UTP20: variants seen among roughly 807,000 people sequenced by gnomAD.
UTP20 encodes UTP20 small subunit processome component.
UTP20 carries 164 observed loss-of-function variants against 329.5 expected under a neutral mutation model. The observed-to-expected ratio is 0.50, with a 90% CI of 0.44 to 0.57. The LOEUF (loss-of-function observed/expected upper bound fraction) is 0.57, where lower values mean the gene tolerates loss of function less well. Ranked by LOEUF, UTP20 falls within the 20% of genes least tolerant of loss-of-function variation. The pLI, the probability that UTP20 is intolerant of heterozygous loss-of-function variation, is 0.00. For synonymous variants in UTP20, 1,151 were observed against 1,159.3 expected, an observed-to-expected ratio of 0.99 and a Z score of 0.14; for missense variants, 3,055 against 3,284.2, an observed-to-expected ratio of 0.93 and a Z score of 1.71.
intron 39 of UTP20, among the ~76,000 whole-genome samples, chr12:101,352,667 T>G (rs1593444921): frequency 2.4e-5 from 3 of 124,632 alleles, no homozygotes; most frequent in African/African-American, 8.9e-5. Context: ...TGTTGTGGGG[T>G]GGGGGGAGTG....
intron 32 of UTP20, among the ~76,000 whole-genome samples, chr12:101,341,721 A>G (rs1018367459): frequency 6.6e-6 from 1 of 152,208 alleles, no homozygotes; most frequent in Non-Finnish European, 1.5e-5. Flanking sequence ...GGTGGCCAAC[A>G]TAGTGAAACC....
chr12:101,354,017 T>G (rs951033458), intron 40 of UTP20, among the ~76,000 whole-genome samples: 52 of 151,994 alleles, frequency 3.4e-4, no homozygotes, highest in African/African-American at 1.2e-3. Flanking sequence ...CCCAGCACTT[T>G]TGGGAGGCCT....
chr12:101,290,725 T>G lies in UTP20; in HGVS notation c.736-8T>G. The G allele has an allele frequency of 6.2e-7, 1 of 1,600,682 alleles. No individual in the cohort carries two copies. The highest frequency in any genetic ancestry group is 1.1e-5 in the South Asian group (1 of 87,812). On this transcript the variant is annotated splice_polypyrimidine_tract_variant and splice_region_variant and intron_variant, in intron 7 of 61. Coordinates refer to ENST00000261637, the MANE Select transcript of UTP20 (RefSeq NM_014503.3). Reference sequence around the variant, plus strand: ...ATATATTAATGTTAATGACTTGTATTCCCACAGGCAGTGAAGCTAATTTTG... The same window carrying G: ...ATATATTAATGTTAATGACTTGTATGCCCACAGGCAGTGAAGCTAATTTTG...
chr12:101,375,705 T>A lies in UTP20; in HGVS notation c.7345T>A (p.Cys2449Ser). The A allele has an allele frequency of 6.2e-7, 1 of 1,603,324 alleles. No individual in the cohort carries two copies. Among genetic ancestry groups the A allele is most frequent in the Non-Finnish European group, 8.5e-7 (1 of 1,171,704 alleles). Residue 2449 changes from cysteine (C) to serine (S), a missense_variant, in exon 56 of 62, where the codon TGT becomes AGT. Around this residue, in one of 3 missense-constraint regions of UTP20, gnomAD observed 273 missense variants for 363.1 expected, o/e 0.75. Coordinates refer to ENST00000261637, the MANE Select transcript of UTP20 (RefSeq NM_014503.3). ...ACTGATAACTAAACTTATCAAGGAATGTAATATTATTCAGTTTACCAAACC... is the reference window on the plus strand; with the variant it reads ...ACTGATAACTAAACTTATCAAGGAAAGTAATATTATTCAGTTTACCAAACC... Reference protein sequence around the residue: ...LTLITKLIKECNIIQFTKPAE... With the variant: ...LTLITKLIKESNIIQFTKPAE...
At position 101,385,690 on chromosome 12, in the gene UTP20, G is replaced by A. The variant is rs374626049; in HGVS notation, c.8164G>A (p.Glu2722Lys). Residue 2722 changes from glutamate to lysine, a missense_variant, in exon 61 of 62, where the codon GAG (glutamate) becomes AAG (lysine). Transcript: ENST00000261637. ...TGCCTCTGTACAGAAACAGGCTAAT[G>A]AGAAAAGGGCACTCCGGAAAAAGAG... ...AFASVQKQAN[E>K]KRALRKKRKA... 3 of 1,611,472 alleles carry A rather than the reference G, an allele frequency of 1.9e-6. No homozygotes were observed. The highest frequency in any genetic ancestry group is 2.7e-5 in the African/African-American group (2 of 74,846).
chr12:101,358,890 C>T (rs1316924066), intron 43 of UTP20, among the ~76,000 whole-genome samples: 1 of 152,060 alleles, frequency 6.6e-6, no homozygotes, highest in Non-Finnish European at 1.5e-5. Context: ...TTTGTTGTCC[C>T]CCTCTTACTA....
rs1565810699 is a variant in UTP20 at position 101,383,117 on chromosome 12, T to A, written c.7733T>A (p.Ile2578Lys). 6.2e-7 allele frequency: 1 copy of A among 1,613,954 alleles called. No homozygotes were observed. Among genetic ancestry groups the A allele is most frequent in the East Asian group, 2.2e-5 (1 of 44,868 alleles). ...TATTGTGAGGATAAGCAAAGTAAGATAAAAGAAGACCTGGAAGAACAAGAA... is the reference window on the plus strand; with the variant it reads ...TATTGTGAGGATAAGCAAAGTAAGAAAAAAGAAGACCTGGAAGAACAAGAA... ...ELYCEDKQSK[I>K]KEDLEEQEAL... The change falls in exon 59 of 62, where the codon ATA becomes AAA. Residue 2578 changes from isoleucine to lysine, a missense_variant. Ile to Lys is a moderately radical substitution (Grantham distance 102, BLOSUM62 -3). Around this residue, in one of 3 missense-constraint regions of UTP20, gnomAD observed 337 missense variants for 345.5 expected, o/e 0.98. Coordinates refer to ENST00000261637, the MANE Select transcript of UTP20 (RefSeq NM_014503.3).
chr12:101,369,655 T>C (rs1870215116), intron 48 of UTP20, 66 bp from the exon 49 acceptor site: 1 of 785,368 alleles, frequency 1.3e-6, no homozygotes, highest in Non-Finnish European at 2.3e-6. Context: ...CTGCATAGCC[T>C]CAGGTGCTGC....
chr12:101,365,821 T>C (rs1870078903), intron 46 of UTP20, among the ~76,000 whole-genome samples, 196 bp downstream of exon 46: 1 of 152,244 alleles, frequency 6.6e-6, no homozygotes, highest in African/African-American at 2.4e-5. Context: ...GCCAATTATT[T>C]TGGCATTTCT....
Position 101,280,932 on chromosome 12 carries a change from A to G in UTP20, c.46-184A>G, listed in dbSNP as rs531322376. The stretch of plus-strand genomic sequence containing the variant: ...GACATAGCTGAGAGAAATTATGCAA[A>G]CATAGAAGTATTCATTATCTTTGAA... On this transcript the variant is annotated intron_variant, in intron 1 of 61. Transcript: ENST00000261637. 5.9e-5 allele frequency among the ~76,000 whole-genome samples: 9 copies of G among 152,314 alleles called. No individual in the cohort carries two copies. In the East Asian group the frequency reaches 1.2e-3, roughly 20 times the overall value.
intron 19 of UTP20, among the ~76,000 whole-genome samples, chr12:101,310,597 A>G (rs958818240): frequency 2.0e-5 from 3 of 150,342 alleles, no homozygotes; most frequent in African/African-American, 7.4e-5. Flanking sequence ...AAAAAAAAAA[A>G]ATACATGTTA....
rs765897607 is a variant in UTP20 at position 101,295,450 on chromosome 12, T to A, written c.1252-30T>A. On this transcript the variant is annotated intron_variant, in intron 11 of 61. Transcript: ENST00000261637. ...ATCTTCTCTTTATTATATCTGTTAA[T>A]AAGTGTGATTTTTTTTTTCTTAACT... The A allele has an allele frequency of 3.9e-6, 6 of 1,529,038 alleles. No individual in the cohort carries two copies. In the African/African-American group the frequency reaches 5.5e-5, roughly 14 times the overall value. 94.7% of individuals were successfully genotyped at this position (1,529,038 alleles called of 1,614,324 possible).
At chr12:101,308,632 G>A (rs904881423) in intron 18 of UTP20, among the ~76,000 whole-genome samples, 4 of 152,038 alleles carry the variant, frequency 2.6e-5, no homozygotes, top group African/African-American at 4.8e-5. Flanking sequence ...CCTGAGTGAC[G>A]CAGGTAGGTA....
intron 36 of UTP20, 30 bp downstream of exon 36, chr12:101,344,780 G>A: frequency 6.3e-7 from 1 of 1,596,492 alleles, no homozygotes; most frequent in Non-Finnish European, 8.5e-7. Context: ...AGGCACTACT[G>A]TCTGAGGCTG....
rs760124429 is a variant in UTP20 at position 101,361,982 on chromosome 12, C to T, written c.5712C>T (p.Thr1904=). ...GTTAGGTCCATGTGCTGACTTTCAC[C>T]GTTCACATGCTGCTGCAAGGCCTCA... The part of the protein sequence containing the change: ...RGYQVHVLTF[T]VHMLLQGLTN... Residue 1904 remains threonine (T), a synonymous_variant, in exon 44 of 62, where the codon ACC becomes ACT. Transcript: ENST00000261637. 3.3e-5 allele frequency: 54 copies of T among 1,613,336 alleles called. No individual in the cohort carries two copies. Among genetic ancestry groups the T allele is most frequent in the African/African-American group, 5.3e-5 (4 of 74,858 alleles).
intron 28 of UTP20, among the ~76,000 whole-genome samples, chr12:101,333,819 A>G (rs934110775): frequency 1.2e-4 from 19 of 152,256 alleles, no homozygotes; most frequent in African/African-American, 4.1e-4. Flanking sequence ...ATGCACCACA[A>G]TGTCCAGCTA....
chr12:101,356,493 G>A (rs1869725315), intron 41 of UTP20, 61 bp from the exon 42 acceptor site: 8 of 1,397,284 alleles, frequency 5.7e-6, no homozygotes, highest in Non-Finnish European at 1.9e-6. Flanking sequence ...CAAAGTTGCA[G>A]TGTTGGTAGA....
intron 56 of UTP20, among the ~76,000 whole-genome samples, chr12:101,376,109 A>G (rs1870462376): frequency 6.6e-6 from 1 of 152,070 alleles, no homozygotes; most frequent in African/African-American, 2.4e-5. Context: ...TGATGTATGT[A>G]CTTGTGGTCT....
chr12:101,280,468 A>G (rs1425021329), intron 1 of UTP20, 141 bp downstream of exon 1: 1 of 1,041,772 alleles, frequency 9.6e-7, no homozygotes, highest in Non-Finnish European at 1.4e-6. Context: ...AGAGGGAGAC[A>G]CTGGATGTAG....
Sources: gnomAD v4.1 joint callset for allele counts (sites outside exome capture counted in the v4.1 genomes callset) on GRCh38, gnomAD v4.1.1 for gene constraint, gnomAD v4.1.1 regional missense constraint, MANE v1.5 for transcripts, NCBI Gene and HGNC (gene_info 2026-07-23, HGNC 2026-07-21) for gene names.